The following ARB2A variants were observed in gnomAD, a reference collection of about 807,000 sequenced individuals.
The protein encoded by ARB2A is cotranscriptional regulator ARB2A.
At chr5:94,102,564 G>A in the ARB2A span, among the ~76,000 whole-genome samples, 1 of 152,114 alleles carries the variant, frequency 6.6e-6, no homozygotes, top group Non-Finnish European at 1.5e-5. Flanking sequence ...ATCCCTGAAA[G>A]AGAGAGACAT....
the ARB2A span, among the ~76,000 whole-genome samples, chr5:93,941,116 A>G: frequency 6.6e-6 from 1 of 152,168 alleles, no homozygotes; most frequent in Admixed American, 6.6e-5. Context: ...GGGAAGTTAT[A>G]CTAAAAGTTT....
chr5:93,781,303 T>C, the ARB2A span, among the ~76,000 whole-genome samples: 1 of 152,338 alleles, frequency 6.6e-6, no homozygotes, highest in African/African-American at 2.4e-5. Flanking sequence ...GTTAAGATAA[T>C]GGCCTCCAGT....
the ARB2A span, among the ~76,000 whole-genome samples, chr5:93,675,108 A>C: frequency 2.0e-5 from 3 of 152,172 alleles, no homozygotes; most frequent in Non-Finnish European, 4.4e-5. Context: ...AATGCTAATT[A>C]AAGGAATGGG....
chr5:93,694,641 C>T, the ARB2A span, among the ~76,000 whole-genome samples: 1 of 152,104 alleles, frequency 6.6e-6, no homozygotes, highest in Admixed American at 6.6e-5. Flanking sequence ...TCAATGCTAT[C>T]CCCATCAAGC....
At chr5:93,870,730 G>C in the ARB2A span, among the ~76,000 whole-genome samples, 20 of 152,312 alleles carry the variant, frequency 1.3e-4, no homozygotes, top group East Asian at 1.9e-4. Flanking sequence ...GCCACATAAG[G>C]GGGGGTGGAA....
At chr5:94,074,403 A>G in the ARB2A span, among the ~76,000 whole-genome samples, 1 of 152,128 alleles carries the variant, frequency 6.6e-6, no homozygotes, top group Non-Finnish European at 1.5e-5. Flanking sequence ...AATGTATGAC[A>G]TTGAGTAAGA....
the ARB2A span, among the ~76,000 whole-genome samples, chr5:93,873,383 A>AGGAAAGGAAAGGAAAGGAAGG: frequency 1.5e-4 from 1 of 6,578 alleles, no homozygotes; most frequent in Non-Finnish European, 3.7e-4. Flanking sequence ...AGGAAAGGAA[A>AGGAAAGGAAAGGAAAGGAAGG]GGAAGGGGAA....
the ARB2A span, among the ~76,000 whole-genome samples, chr5:94,071,597 C>T: frequency 6.6e-6 from 1 of 151,912 alleles, no homozygotes; most frequent in African/African-American, 2.4e-5. Flanking sequence ...AGGTATTTTA[C>T]CAGAGACAAG....
At chr5:93,892,588 G>T in the ARB2A span, among the ~76,000 whole-genome samples, 18 of 151,724 alleles carry the variant, frequency 1.2e-4, no homozygotes, top group Middle Eastern at 3.2e-3. Flanking sequence ...CTACCTCTGG[G>T]GGGGGGAAAA....
chr5:94,107,951 CT>C, the ARB2A span, among the ~76,000 whole-genome samples: 1 of 152,116 alleles, frequency 6.6e-6, no homozygotes, highest in South Asian at 2.1e-4. Flanking sequence ...CTCTATATTA[CT>C]TTTTTTCACT....
the ARB2A span, chr5:94,052,986 G>C: frequency 4.8e-6 from 2 of 415,832 alleles, no homozygotes; most frequent in East Asian, 3.8e-5. Flanking sequence ...AAAGAATACA[G>C]AAAACATTCT....
the ARB2A span, among the ~76,000 whole-genome samples, chr5:93,859,465 C>A: frequency 1.3e-5 from 2 of 151,808 alleles, no homozygotes; most frequent in Non-Finnish European, 2.9e-5. Flanking sequence ...TAGGTAAGGA[C>A]TTTTTAAATA....
the ARB2A span, among the ~76,000 whole-genome samples, chr5:93,896,023 T>C: frequency 1.3e-5 from 2 of 152,014 alleles, no homozygotes; most frequent in Admixed American, 6.6e-5. Flanking sequence ...TCAAAACTTT[T>C]CTCAATATTT....
chr5:93,741,248 C>T, the ARB2A span: 1 of 1,613,954 alleles, frequency 6.2e-7, no homozygotes, highest in Admixed American at 1.7e-5. Context: ...CTCCGCAGGG[C>T]AATGTAGGGC....
the ARB2A span, among the ~76,000 whole-genome samples, chr5:94,021,095 T>C: frequency 1.2e-4 from 19 of 152,156 alleles, no homozygotes; most frequent in Non-Finnish European, 2.8e-4. Context: ...TAATTCAAAC[T>C]GCCTCCACGA....
At chr5:93,898,333 C>A in the ARB2A span, among the ~76,000 whole-genome samples, 2 of 151,900 alleles carry the variant, frequency 1.3e-5, no homozygotes, top group Non-Finnish European at 2.9e-5. Context: ...CAGAGCCAAA[C>A]CTTAAGCATG....
chr5:93,744,304 G>A, the ARB2A span, among the ~76,000 whole-genome samples: 26 of 151,468 alleles, frequency 1.7e-4, no homozygotes, highest in East Asian at 5.9e-4. Context: ...GCATGGTGGC[G>A]CGGACCTGTA....
At chr5:93,853,674 T>C in the ARB2A span, among the ~76,000 whole-genome samples, 1 of 152,236 alleles carries the variant, frequency 6.6e-6, no homozygotes, top group Non-Finnish European at 1.5e-5. Flanking sequence ...TGAAGGGTTG[T>C]TGAATGTTGT....
At chr5:93,784,209 C>A in the ARB2A span, 1 of 538,968 alleles carries the variant, frequency 1.9e-6, no homozygotes, top group Non-Finnish European at 3.3e-6. Flanking sequence ...AATATTAGGT[C>A]TTCACATGGG....
Sources: gnomAD v4.1 joint callset for allele counts (sites outside exome capture counted in the v4.1 genomes callset) on GRCh38, gnomAD v4.1.1 for gene constraint, MANE v1.5 for transcripts, NCBI Gene and HGNC (gene_info 2026-07-23, HGNC 2026-07-21) for gene names.